Variants in USH2A observed in about 807,000 individuals in gnomAD.
USH2A encodes Usher syndrome 2A (autosomal recessive, mild).
In USH2A, 443 loss-of-function variants were observed where a neutral mutation model predicts 538.9. The ratio of observed to expected loss-of-function variants is 0.82; its 90% confidence interval spans 0.76 to 0.89. The LOEUF (loss-of-function observed/expected upper bound fraction) is 0.89, where lower values mean the gene tolerates loss of function less well. Ranked by LOEUF, USH2A falls within the 40% of genes least tolerant of loss-of-function variation. The pLI, the probability that USH2A is intolerant of heterozygous loss-of-function variation, is 0.00. For missense variants in USH2A, 6,633 were observed against 6,324.8 expected, an observed-to-expected ratio of 1.05 and a Z score of -1.65; for synonymous variants, 2,413 against 2,273.5, an observed-to-expected ratio of 1.06 and a Z score of -1.75.
intron 26 of USH2A, among the ~76,000 whole-genome samples, chr1:216,081,978 G>C (rs2031962568): frequency 6.6e-6 from 1 of 151,792 alleles, no homozygotes. Context: ...GCAATGAATA[G>C]AGGAAGGTGG....
Position 215,639,143 on chromosome 1 carries a change from T to A in USH2A, c.15052+12A>T. On this transcript the variant is annotated intron_variant, in intron 69 of 71. Coordinates refer to ENST00000307340, the MANE Select transcript of USH2A (RefSeq NM_206933.4). ...AATAGGTGCTACGCCAAGTATAATA[T>A]GAGTTGTTTACCAAGTCCAGTAGAG... 6.2e-7 allele frequency: 1 copy of A among 1,613,792 alleles called. No homozygotes were observed. The highest frequency in any genetic ancestry group is 8.5e-7 in the Non-Finnish European group (1 of 1,179,678).
intron 4 of USH2A, among the ~76,000 whole-genome samples, chr1:216,361,118 C>A (rs2038482654): frequency 6.6e-6 from 1 of 152,014 alleles, no homozygotes; most frequent in Non-Finnish European, 1.5e-5. Flanking sequence ...TATACAGAGA[C>A]CTGATTCACG....
chr1:216,279,301 G>A (rs1276042895), intron 11 of USH2A, among the ~76,000 whole-genome samples: 1 of 152,068 alleles, frequency 6.6e-6, no homozygotes, highest in Non-Finnish European at 1.5e-5. Context: ...AGAGCCCAGG[G>A]CACAATTCAA....
Position 215,891,991 on chromosome 1 carries a change from T to C in USH2A, c.7595-2937A>G, listed in dbSNP as rs115991892. On this transcript the variant is annotated intron_variant, in intron 40 of 71. Coordinates refer to ENST00000307340, the MANE Select transcript of USH2A (RefSeq NM_206933.4). ...ATTAATAACGGAAAGTAGTTTCATT[T>C]TGGCAAATGAAATTATCTTTTATGG... Among the ~76,000 whole-genome samples, 611 of 152,326 alleles carry C rather than the reference T, an allele frequency of 4.0e-3. 5 individuals carry two copies. The highest frequency in any genetic ancestry group is 0.014 in the African/African-American group (587 of 41,574).
At chr1:216,336,964 T>G (rs573530614) in intron 4 of USH2A, among the ~76,000 whole-genome samples, 2 of 151,420 alleles carry the variant, frequency 1.3e-5, no homozygotes, top group Non-Finnish European at 3.0e-5. Context: ...ATGAATTGAT[T>G]CAGATTTCCT....
intron 47 of USH2A, among the ~76,000 whole-genome samples, chr1:215,832,758 A>G (rs1293070145): frequency 6.6e-6 from 1 of 151,864 alleles, no homozygotes; most frequent in Non-Finnish European, 1.5e-5. Context: ...AAAAAGAAAT[A>G]AAAGACATAC....
At chr1:215,878,555 G>A (rs1387969741) in intron 42 of USH2A, among the ~76,000 whole-genome samples, 1 of 152,034 alleles carries the variant, frequency 6.6e-6, no homozygotes, top group African/African-American at 2.4e-5. Context: ...TGGTTTCAAG[G>A]GTTTTTAGTT....
chr1:216,072,793 A>G (rs1000640880), intron 29 of USH2A, 96 bp downstream of exon 29: 4 of 1,227,242 alleles, frequency 3.3e-6, no homozygotes, highest in Non-Finnish European at 4.8e-6. Flanking sequence ...CTACAAAAAT[A>G]TTACTGCTTC....
intron 11 of USH2A, among the ~76,000 whole-genome samples, chr1:216,288,844 G>A (rs1378336400): frequency 1.3e-5 from 2 of 152,112 alleles, no homozygotes; most frequent in African/African-American, 2.4e-5. Flanking sequence ...AAGAGGGAAA[G>A]TTAGACTAAG....
chr1:215,628,614 T>C (rs1178298919), intron 71 of USH2A, among the ~76,000 whole-genome samples, 200 bp downstream of exon 71: 1 of 152,196 alleles, frequency 6.6e-6, no homozygotes, highest in African/African-American at 2.4e-5. Flanking sequence ...ATCTATTGCA[T>C]ACCAGAAGAA....
chr1:215,873,567 G>A (rs559556556), intron 43 of USH2A, among the ~76,000 whole-genome samples: 71 of 152,014 alleles, frequency 4.7e-4, no homozygotes, highest in African/African-American at 1.7e-3. Context: ...TCCTCTTTTA[G>A]GACTTGAAAC....
At chr1:216,101,133 T>C (rs1440520056) in intron 21 of USH2A, among the ~76,000 whole-genome samples, 1 of 152,196 alleles carries the variant, frequency 6.6e-6, no homozygotes, top group East Asian at 1.9e-4. Flanking sequence ...AATGCACACG[T>C]TCACTGAAAC....
intron 34 of USH2A, 152 bp downstream of exon 34, chr1:215,998,735 T>G (rs1374421354): frequency 3.8e-6 from 3 of 780,124 alleles, no homozygotes; most frequent in Non-Finnish European, 6.3e-6. Flanking sequence ...AATTCACATT[T>G]AGGATGGGAA....
intron 14 of USH2A, among the ~76,000 whole-genome samples, chr1:216,225,381 C>T (rs1056490965): frequency 6.6e-6 from 1 of 152,192 alleles, no homozygotes; most frequent in African/African-American, 2.4e-5. Context: ...CCCTTCTGTG[C>T]TACAGGATTT....
At chr1:216,230,182 C>T (rs1300085522) in intron 14 of USH2A, among the ~76,000 whole-genome samples, 2 of 152,080 alleles carry the variant, frequency 1.3e-5, no homozygotes, top group Admixed American at 6.6e-5. Flanking sequence ...ATGAAAAAGA[C>T]AGAGGTGGCC....
chr1:216,364,957 T>G lies in USH2A; in HGVS notation c.780A>C (p.Leu260Phe). ...ATTCTGAAGTCAGAAACTTACCATT[T>G]AAACTCTGTCCTATTTGCACAGTAC... ...ASGTVQIGQS[L>F]NGLEQFVGRM... Residue 260 changes from leucine to phenylalanine, a missense_variant, in exon 4 of 72, where the codon TTA (leucine) becomes TTC (phenylalanine). Leu to Phe is a conservative substitution (Grantham distance 22, BLOSUM62 0). Coordinates refer to ENST00000307340, the MANE Select transcript of USH2A (RefSeq NM_206933.4). 1 of 1,613,494 alleles carries G rather than the reference T, an allele frequency of 6.2e-7. No individual in the cohort carries two copies. Among genetic ancestry groups the G allele is most frequent in the Non-Finnish European group, 8.5e-7 (1 of 1,179,606 alleles).
chr1:215,901,016 A>G, intron 38 of USH2A, 111 bp from the exon 39 acceptor site: 1 of 1,262,484 alleles, frequency 7.9e-7, no homozygotes, highest in Middle Eastern at 2.6e-4. Context: ...ATCAACAACA[A>G]TGTTAAACAT....
chr1:216,113,482 C>T (rs996307098), intron 21 of USH2A, among the ~76,000 whole-genome samples: 2 of 152,114 alleles, frequency 1.3e-5, no homozygotes, highest in Admixed American at 1.3e-4. Flanking sequence ...TTCTGAAAGA[C>T]GCCAACTAGT....
intron 3 of USH2A, among the ~76,000 whole-genome samples, chr1:216,366,110 C>T (rs530587541): frequency 6.6e-6 from 1 of 151,774 alleles, no homozygotes; most frequent in African/African-American, 2.4e-5. Flanking sequence ...GTGCTTTTAG[C>T]TTAAATGAAA....
Sources: gnomAD v4.1 joint callset for allele counts (sites outside exome capture counted in the v4.1 genomes callset) on GRCh38, gnomAD v4.1.1 for gene constraint, MANE v1.5 for transcripts, NCBI Gene and HGNC (gene_info 2026-07-23, HGNC 2026-07-21) for gene names.